Variants in MCM9 observed in about 807,000 individuals in gnomAD.
MCM9 encodes minichromosome maintenance 9 homologous recombination repair factor, also known as DNA helicase MCM9.
In MCM9, 55 loss-of-function variants were observed where a neutral mutation model predicts 72.8. The observed-to-expected ratio is 0.76, with a 90% CI of 0.61 to 0.95. The LOEUF is 0.95. Among genes scored for constraint, MCM9 ranks in the 40% least tolerant of loss-of-function variants. MCM9 has a pLI of 0.00. For missense variants in MCM9, 1,279 were observed against 1,377.0 expected (o/e 0.93, Z 1.13); for synonymous variants, 480 against 503.4 (o/e 0.95, Z 0.62).
chr6:118,844,017 G>A (rs990245178), intron 9 of MCM9, among the ~76,000 whole-genome samples: 3 of 151,400 alleles, frequency 2.0e-5, no homozygotes, highest in Non-Finnish European at 4.4e-5. Context: ...ACTCAGTGAA[G>A]GATTCCTATT....
At chr6:118,917,444 C>A in intron 6 of MCM9, 117 bp downstream of exon 6, 1 of 1,022,832 alleles carries the variant, frequency 9.8e-7, no homozygotes. Context: ...TAATCCTACC[C>A]TTTAAACTCA....
At chr6:118,817,222 C>T (rs186939193) in intron 13 of MCM9, among the ~76,000 whole-genome samples, 2 of 152,026 alleles carry the variant, frequency 1.3e-5, no homozygotes, top group Non-Finnish European at 1.5e-5. Context: ...CTGCACCTAT[C>T]AACCCATCAT....
chr6:118,916,042 A>G (rs570751956), intron 6 of MCM9, among the ~76,000 whole-genome samples: 33 of 152,280 alleles, frequency 2.2e-4, no homozygotes, highest in Admixed American at 3.9e-4. Flanking sequence ...ACAAATTTTT[A>G]TAAGGATAGA....
chr6:118,912,225 C>T (rs1780607035), intron 7 of MCM9: 2 of 152,280 alleles, frequency 1.3e-5, no homozygotes, highest in African/African-American at 4.8e-5. Flanking sequence ...ATGATTAAAT[C>T]CTTGCATACA....
intron 1 of MCM9, among the ~76,000 whole-genome samples, chr6:118,933,873 A>T (rs1442389306): frequency 6.8e-6 from 1 of 147,324 alleles, no homozygotes. Flanking sequence ...CCTCCACGGT[A>T]ATTTGTTTTT....
At chr6:118,926,797 GAGT>G (rs200731452) in intron 3 of MCM9, among the ~76,000 whole-genome samples, 1,580 of 152,276 alleles carry the variant, frequency 0.01, 28 homozygotes, top group African/African-American at 0.036. Context: ...TACAGCTAAG[GAGT>G]AGAACTGCTG....
Position 118,845,657 on chromosome 6 carries a change from T to C in MCM9, c.1325+10714A>G, listed in dbSNP as rs568661721. On this transcript the variant is annotated intron_variant, in intron 9 of 13. Transcript: ENST00000619706. ...TGTTTTGTAATAAAATATAAAACCA[T>C]ATTTTATGTACATAGTCTACAATAA... 4.6e-5 allele frequency among the ~76,000 whole-genome samples: 7 copies of C among 152,008 alleles called. No individual in the cohort carries two copies. The East Asian group carries it at 9.6e-4, about 21-fold the overall frequency.
chr6:118,890,576 A>G (rs531522525), intron 8 of MCM9, among the ~76,000 whole-genome samples: 1 of 152,244 alleles, frequency 6.6e-6, no homozygotes, highest in South Asian at 2.1e-4. Flanking sequence ...TGTATGTCTT[A>G]TCTTTGACTA....
intron 9 of MCM9, among the ~76,000 whole-genome samples, chr6:118,848,950 C>A (rs1432138060): frequency 2.0e-5 from 3 of 148,940 alleles, no homozygotes; most frequent in African/African-American, 7.8e-5. Flanking sequence ...TTCCTAAATG[C>A]ACAGAAAAAT....
intron 8 of MCM9, among the ~76,000 whole-genome samples, chr6:118,892,531 C>T (rs1241682610): frequency 6.6e-6 from 1 of 152,168 alleles, no homozygotes; most frequent in African/African-American, 2.4e-5. Context: ...CTGCATACAC[C>T]AGTCTCACAG....
At chr6:118,923,742 C>G (rs1781629207) in intron 4 of MCM9, 69 bp downstream of exon 4, 2 of 1,351,010 alleles carry the variant, frequency 1.5e-6, no homozygotes, top group East Asian at 4.8e-5. Flanking sequence ...GTTCCCTAAT[C>G]CTCCCAATGT....
At chr6:118,930,227 C>T (rs1188974970) in intron 3 of MCM9, among the ~76,000 whole-genome samples, 1 of 152,162 alleles carries the variant, frequency 6.6e-6, no homozygotes, top group Non-Finnish European at 1.5e-5. Flanking sequence ...TCTCCTGCCT[C>T]AGCCTTCTGA....
chr6:118,923,467 T>C (rs557789361), intron 4 of MCM9, among the ~76,000 whole-genome samples: 5 of 152,190 alleles, frequency 3.3e-5, no homozygotes, highest in Non-Finnish European at 7.3e-5. Flanking sequence ...TGTTTAACCA[T>C]TTAAGCATTA....
In MCM9 at chr6:118,883,110, C is replaced by T. The variant is rs182470564; in HGVS notation, c.1151-26565G>A. Among the ~76,000 whole-genome samples the T allele has an allele frequency of 7.9e-4, 99 of 124,814 alleles. 2 individuals are homozygous for T. In the East Asian group the frequency reaches 0.022, roughly 27 times the overall value. 81.9% of individuals were successfully genotyped at this position (124,814 alleles called of 152,430 possible). ...AAAAGGGATGATGACAATGTCTCAA[C>T]AAATAGAGAATATCAATAAGAGATA... On this transcript the variant is annotated intron_variant, in intron 8 of 13. Coordinates refer to ENST00000619706, the MANE Select transcript of MCM9 (RefSeq NM_017696.3).
At chr6:118,822,100 T>C (rs1773854352) in intron 13 of MCM9, among the ~76,000 whole-genome samples, 2 of 152,338 alleles carry the variant, frequency 1.3e-5, no homozygotes, top group East Asian at 3.9e-4. Flanking sequence ...AGTTTGTTAT[T>C]ACCCACCTTC....
intron 8 of MCM9, among the ~76,000 whole-genome samples, chr6:118,888,536 G>A (rs944226376): frequency 1.1e-4 from 16 of 152,126 alleles, no homozygotes; most frequent in African/African-American, 3.9e-4. Flanking sequence ...TCCTAAAAAG[G>A]AGTTACAATA....
intron 7 of MCM9, chr6:118,912,331 G>A (rs1043026722): frequency 3.9e-5 from 6 of 152,112 alleles, no homozygotes; most frequent in African/African-American, 1.4e-4. Context: ...GATTCTAACA[G>A]TTAAGTGAAG....
rs533453235 is a variant in MCM9, at chr6:118,846,443, G to C, written c.1325+9928C>G. On this transcript the variant is annotated intron_variant, in intron 9 of 13. Coordinates refer to ENST00000619706, the MANE Select transcript of MCM9 (RefSeq NM_017696.3). ...CTGGAGAACACAGATAAAATGCCAGGAGGAGGAGAGAATCCCATGTAGAGT... is the reference window on the plus strand; with the variant it reads ...CTGGAGAACACAGATAAAATGCCAGCAGGAGGAGAGAATCCCATGTAGAGT... 5.3e-5 allele frequency among the ~76,000 whole-genome samples: 8 copies of C among 151,938 alleles called. No individual in the cohort carries two copies. The East Asian group carries it at 1.5e-3, about 29-fold the overall frequency.
chr6:118,818,704 T>C (rs1482017964), intron 13 of MCM9, among the ~76,000 whole-genome samples: 1 of 152,222 alleles, frequency 6.6e-6, no homozygotes, highest in Admixed American at 6.5e-5. Context: ...ATTGAATCTA[T>C]AAATTACTTT....
Sources: allele counts gnomAD v4.1 joint callset (sites outside exome capture counted in the v4.1 genomes callset), GRCh38; gene constraint gnomAD v4.1.1; transcripts MANE v1.5; gene names NCBI Gene and HGNC (gene_info 2026-07-23, HGNC 2026-07-21).